The following AGBL4 variants were observed in gnomAD, a reference collection of about 807,000 sequenced individuals.
AGBL4 encodes the protein cytosolic carboxypeptidase 6.
AGBL4 carries 58 observed loss-of-function variants against 66.4 expected under a neutral mutation model. That is an observed-to-expected ratio of 0.87 (90% CI 0.71 to 1.09). The LOEUF (loss-of-function observed/expected upper bound fraction) is 1.09, where lower values mean the gene tolerates loss of function less well. Ranked by LOEUF, AGBL4 falls within the 50% of genes least tolerant of loss-of-function variation. The pLI is 0.00. For missense variants in AGBL4, 579 were observed against 631.0 expected (o/e 0.92, Z 0.88); for synonymous variants, 234 against 222.9 (o/e 1.05, Z -0.44).
intron 6 of AGBL4, among the ~76,000 whole-genome samples, chr1:48,821,886 A>C (rs1419282939): frequency 1.3e-5 from 2 of 152,198 alleles, no homozygotes; most frequent in Non-Finnish European, 2.9e-5. Context: ...AGACGATCCA[A>C]TTTTGGTAAG....
chr1:49,200,739 G>A (rs1010026499), intron 4 of AGBL4, among the ~76,000 whole-genome samples: 14 of 152,166 alleles, frequency 9.2e-5, no homozygotes, highest in Admixed American at 6.5e-4. Flanking sequence ...AAGGGATGCA[G>A]GGCCACCTCC....
chr1:49,649,867 G>T (rs1645966934), intron 3 of AGBL4, among the ~76,000 whole-genome samples: 1 of 151,958 alleles, frequency 6.6e-6, no homozygotes, highest in African/African-American at 2.4e-5. Context: ...AATACTTGCA[G>T]ATTAAACAAC....
chr1:48,591,600 A>G (rs1329070946), intron 9 of AGBL4, among the ~76,000 whole-genome samples: 1 of 152,218 alleles, frequency 6.6e-6, no homozygotes, highest in Non-Finnish European at 1.5e-5. Context: ...ATGTAATATA[A>G]ATAAAAAATA....
At chr1:49,842,380 G>GT in intron 2 of AGBL4, 1 of 607,066 alleles carries the variant, frequency 1.6e-6, no homozygotes, top group Non-Finnish European at 2.5e-6. Flanking sequence ...CCCAAGGCAT[G>GT]TACCCAGGTG....
chr1:48,884,869 G>T (rs553834933), intron 5 of AGBL4, among the ~76,000 whole-genome samples: 1 of 151,456 alleles, frequency 6.6e-6, no homozygotes, highest in Non-Finnish European at 1.5e-5. Flanking sequence ...AGAAGAAAGA[G>T]CCCCTCATGC....
rs1645175235 is a variant in AGBL4 at position 49,814,123 on chromosome 1, G to T, written c.157+37273C>A. ...AGTCCATTATAAATTACCCAGTTTT[G>T]GGTATGTCCTTATTAGCAGCATGAG... On this transcript the variant is annotated intron_variant, in intron 2 of 13. Transcript: ENST00000371839. Among the ~76,000 whole-genome samples the T allele has an allele frequency of 2.0e-5, 3 of 152,022 alleles. No individual in the cohort carries two copies. In the East Asian group the frequency reaches 5.8e-4, roughly 29 times the overall value.
intron 3 of AGBL4, among the ~76,000 whole-genome samples, chr1:49,387,860 C>T (rs1459408162): frequency 6.6e-6 from 1 of 151,888 alleles, no homozygotes; most frequent in Non-Finnish European, 1.5e-5. Context: ...GAAGCCATAA[C>T]TACAAGAGGT....
intron 2 of AGBL4, among the ~76,000 whole-genome samples, chr1:49,756,434 G>A (rs1360260861): frequency 6.6e-6 from 1 of 152,206 alleles, no homozygotes. Context: ...ATAGATTTGA[G>A]ACTAAAGTCA....
At chr1:49,675,195 T>C (rs1646555780) in intron 3 of AGBL4, among the ~76,000 whole-genome samples, 1 of 152,038 alleles carries the variant, frequency 6.6e-6, no homozygotes, top group African/African-American at 2.4e-5. Context: ...TAGAAGGGTG[T>C]GGGCTGGAAC....
chr1:48,653,428 G>T lies in AGBL4; in HGVS notation c.748C>A (p.Gln250Lys). Residue 250 changes from glutamine (Q) to lysine (K), a missense_variant, in exon 8 of 14, where the codon CAG becomes AAG. Physicochemically the swap from Gln to Lys is moderately conservative, Grantham distance 53. Coordinates refer to ENST00000371839, the MANE Select transcript of AGBL4 (RefSeq NM_032785.4). ...CQGIIDFLVS[Q>K]HPIACVLREY... Reference sequence around the variant, plus strand: ...CGGAGGACACAGGCAATAGGGTGCTGGCTTACAAGGAAGTCAATGATCCCT... The same window carrying T: ...CGGAGGACACAGGCAATAGGGTGCTTGCTTACAAGGAAGTCAATGATCCCT... 1 of 1,582,318 alleles carries T rather than the reference G, an allele frequency of 6.3e-7. No homozygotes were observed. The highest frequency in any genetic ancestry group is 8.6e-7 in the Non-Finnish European group (1 of 1,163,290).
At chr1:48,828,436 C>G (rs1040838974) in intron 6 of AGBL4, among the ~76,000 whole-genome samples, 1 of 152,130 alleles carries the variant, frequency 6.6e-6, no homozygotes, top group Non-Finnish European at 1.5e-5. Flanking sequence ...CCCTTTGACC[C>G]TTATGCCCAG....
chr1:49,938,481 C>T lies in AGBL4; in HGVS notation c.34+85282G>A, dbSNP rs1405926302. Among the ~76,000 whole-genome samples, 11 of 152,192 alleles carry T rather than the reference C, an allele frequency of 7.2e-5. 1 individual carries two copies. Among genetic ancestry groups the T allele is most frequent in the Non-Finnish European group, 1.2e-4 (8 of 68,020 alleles). ...AATCAACAGAAAAAGAGGGAATCTT[C>T]CCTAACTCATTTTATGAGGACAGCA... is the stretch of plus-strand genomic sequence containing the variant. On this transcript the variant is annotated intron_variant, in intron 1 of 13. Transcript: ENST00000371839.
intron 8 of AGBL4, 30 bp from the exon 9 acceptor site, chr1:48,634,634 T>C (rs750094403): frequency 3.3e-6 from 5 of 1,504,010 alleles, no homozygotes; most frequent in East Asian, 2.4e-5. Context: ...AGAGTCAATA[T>C]AGACAGGATA....
At chr1:49,493,513 T>C (rs1647266794) in intron 3 of AGBL4, among the ~76,000 whole-genome samples, 1 of 152,024 alleles carries the variant, frequency 6.6e-6, no homozygotes, top group South Asian at 2.1e-4. Context: ...ACAAAAGGTA[T>C]GTTTACAGGA....
intron 9 of AGBL4, among the ~76,000 whole-genome samples, chr1:48,618,774 C>A (rs763905240): frequency 6.6e-6 from 1 of 152,144 alleles, no homozygotes; most frequent in South Asian, 2.1e-4. Context: ...CTAGCATGCT[C>A]AATCTTTGGA....
intron 5 of AGBL4, among the ~76,000 whole-genome samples, chr1:48,946,649 T>C (rs1262159862): frequency 1.3e-5 from 2 of 152,206 alleles, no homozygotes; most frequent in African/African-American, 4.8e-5. Context: ...CATAAGCACT[T>C]GGTGCCAGGT....
intron 3 of AGBL4, among the ~76,000 whole-genome samples, chr1:49,354,878 C>G (rs963633701): frequency 6.6e-6 from 1 of 152,134 alleles, no homozygotes; most frequent in African/African-American, 2.4e-5. Flanking sequence ...TATTCCAGTT[C>G]AGGGTAGTAT....
At chr1:48,739,140 T>A (rs1325255297) in intron 6 of AGBL4, among the ~76,000 whole-genome samples, 1 of 152,160 alleles carries the variant, frequency 6.6e-6, no homozygotes, top group Non-Finnish European at 1.5e-5. Flanking sequence ...CCTGGCTACT[T>A]CCCACACCAG....
intron 5 of AGBL4, among the ~76,000 whole-genome samples, chr1:49,000,573 T>C (rs1012246210): frequency 2.6e-5 from 4 of 152,194 alleles, no homozygotes; most frequent in Non-Finnish European, 5.9e-5. Flanking sequence ...CATTTTTTTA[T>C]ATTGCTTTAA....
Sources: gnomAD v4.1 joint callset for allele counts (sites outside exome capture counted in the v4.1 genomes callset) on GRCh38, gnomAD v4.1.1 for gene constraint, MANE v1.5 for transcripts, NCBI Gene and HGNC (gene_info 2026-07-23, HGNC 2026-07-21) for gene names.